EPB41: variants seen among roughly 807,000 people sequenced by gnomAD.
EPB41 encodes erythrocyte membrane protein band 4.1, also known as protein 4.1.
Under a neutral mutation model 108.0 loss-of-function variants are expected in EPB41, and 65 were observed. That is an observed-to-expected ratio of 0.60 (90% CI 0.49 to 0.74). The LOEUF (loss-of-function observed/expected upper bound fraction) is 0.74. EPB41 is among the 30% of genes least tolerant of loss of function. The probability of loss-of-function intolerance (pLI) is 0.00; values close to 1 mark genes in which losing one functional copy is unlikely to be tolerated. For synonymous variants in EPB41, 336 were observed against 358.9 expected, an observed-to-expected ratio of 0.94 and a Z score of 0.72; for missense variants, 875 against 1,037.0, an observed-to-expected ratio of 0.84 and a Z score of 2.15.
chr1:28,927,980 G>A (rs533097562), intron 1 of EPB41, among the ~76,000 whole-genome samples: 37 of 152,182 alleles, frequency 2.4e-4, no homozygotes, highest in Non-Finnish European at 4.3e-4. Context: ...TGACCTCAGA[G>A]GTGCTGCTTT....
At chr1:28,997,118 C>A in intron 3 of EPB41, 97 bp from the exon 4 acceptor site, 1 of 912,386 alleles carries the variant, frequency 1.1e-6, no homozygotes, top group Non-Finnish European at 1.8e-6. Context: ...GGCCACTGTA[C>A]TCCAGCCTGG....
chr1:28,993,823 A>C (rs1313655823), intron 3 of EPB41, among the ~76,000 whole-genome samples: 1 of 151,204 alleles, frequency 6.6e-6, no homozygotes, highest in Non-Finnish European at 1.5e-5. Context: ...TGCCAGGCTA[A>C]TTTTTTGTAT....
chr1:29,074,037 G>A (rs939554082), intron 16 of EPB41, among the ~76,000 whole-genome samples: 2 of 152,102 alleles, frequency 1.3e-5, no homozygotes, highest in Non-Finnish European at 2.9e-5. Flanking sequence ...TAGGACACAT[G>A]AGGCATTAGA....
At chr1:28,926,557 G>A (rs952522924) in intron 1 of EPB41, among the ~76,000 whole-genome samples, 4 of 152,146 alleles carry the variant, frequency 2.6e-5, no homozygotes, top group African/African-American at 9.7e-5. Flanking sequence ...TGGATCTTCT[G>A]TCAAAGCCAA....
chr1:28,977,795 A>G (rs943536626), intron 1 of EPB41, among the ~76,000 whole-genome samples: 3 of 152,106 alleles, frequency 2.0e-5, no homozygotes, highest in African/African-American at 4.8e-5. Flanking sequence ...CTGGAAGAAC[A>G]TGACTGCATG....
chr1:28,985,163 C>A (rs1405776060), intron 1 of EPB41, among the ~76,000 whole-genome samples: 2 of 151,040 alleles, frequency 1.3e-5, no homozygotes, highest in African/African-American at 4.9e-5. Flanking sequence ...GGGGCTTCAC[C>A]ATGCTGACCA....
intron 1 of EPB41, among the ~76,000 whole-genome samples, chr1:28,936,537 C>T (rs955238412): frequency 4.6e-5 from 7 of 152,228 alleles, no homozygotes; most frequent in Admixed American, 2.6e-4. Context: ...AAACCCCTTA[C>T]ATGTTAGCAG....
Position 29,053,193 on chromosome 1 carries a change from G to C in EPB41, c.1726G>C (p.Asp576His), listed in dbSNP as rs748752649. Residue 576 changes from aspartate to histidine, a missense_variant, in exon 12 of 21, where the codon GAT (aspartate) becomes CAT (histidine). Asp to His is a moderately conservative substitution (Grantham distance 81). Around this residue, in one of 3 missense-constraint regions of EPB41, gnomAD observed 519 missense variants for 627.3 expected, o/e 0.83. Coordinates refer to ENST00000343067, the MANE Select transcript of EPB41 (RefSeq NM_001376013.1). ...TCAGGTTGCAGAAGGTGGCGTCCTAGATGCCTCTGCTAAAAAAACAGTGGT... is the reference window on the plus strand; with the variant it reads ...TCAGGTTGCAGAAGGTGGCGTCCTACATGCCTCTGCTAAAAAAACAGTGGT... ...QGQVAEGGVL[D>H]ASAKKTVVPK... is the part of the protein sequence containing the mutation. 1.9e-6 allele frequency: 3 copies of C among 1,614,170 alleles called. No individual in the cohort carries two copies. Among genetic ancestry groups the C allele is most frequent in the Admixed American group, 1.7e-5 (1 of 60,020 alleles).
At chr1:28,993,619 C>T (rs2096075894) in intron 3 of EPB41, 77 bp downstream of exon 3, 5 of 1,342,178 alleles carry the variant, frequency 3.7e-6, no homozygotes, top group Middle Eastern at 2.2e-4. Context: ...GGTGATTTTG[C>T]CCACGATAAG....
chr1:28,938,182 G>A (rs925154287), intron 1 of EPB41, among the ~76,000 whole-genome samples: 4 of 152,104 alleles, frequency 2.6e-5, no homozygotes, highest in Non-Finnish European at 5.9e-5. Context: ...GGCTGTTCTG[G>A]CTATCCCTTG....
intron 16 of EPB41, among the ~76,000 whole-genome samples, chr1:29,088,931 G>A (rs909496690): frequency 6.6e-6 from 1 of 152,166 alleles, no homozygotes; most frequent in African/African-American, 2.4e-5. Context: ...GCATCATAGT[G>A]AGAGCCTATG....
At chr1:29,062,554 T>G (rs1206119738) in intron 15 of EPB41, among the ~76,000 whole-genome samples, 1 of 152,208 alleles carries the variant, frequency 6.6e-6, no homozygotes, top group East Asian at 1.9e-4. Context: ...CATCAAAAAG[T>G]GTCTAACCTG....
chr1:29,119,252 G>C lies in EPB41; in HGVS notation c.*2440G>C, dbSNP rs1671474997. On this transcript the variant is annotated 3_prime_UTR_variant, in exon 21 of 21. Transcript: ENST00000343067. The stretch of plus-strand genomic sequence containing the variant: ...CCTCCATCTCTGGCAACAGTTCTTG[G>C]GGTTTGGCAATTGTTTGGATTTTTT... 1 of 152,618 alleles carries C rather than the reference G, an allele frequency of 6.6e-6. No homozygotes were observed. 9.5% of individuals were successfully genotyped at this position (152,618 alleles called of 1,614,324 possible). A position where few individuals can be genotyped will look rare whatever the true frequency, so the allele number is the denominator to read the frequency against.
At chr1:29,059,619 T>A (rs1224859867) in intron 14 of EPB41, among the ~76,000 whole-genome samples, 5 of 151,186 alleles carry the variant, frequency 3.3e-5, no homozygotes, top group African/African-American at 1.2e-4. Context: ...CTTCAAAAAA[T>A]AAAAATAAAT....
chr1:29,106,563 G>GTTTTTTTT (rs1558324414), intron 17 of EPB41, among the ~76,000 whole-genome samples: 3 of 37,160 alleles, frequency 8.1e-5, no homozygotes, highest in Non-Finnish European at 1.4e-4. Flanking sequence ...GAGTAGCTGG[G>GTTTTTTTT]ATTTTTTTTT....
At chr1:28,966,817 C>G (rs2095366442) in intron 1 of EPB41, among the ~76,000 whole-genome samples, 1 of 152,002 alleles carries the variant, frequency 6.6e-6, no homozygotes, top group African/African-American at 2.4e-5. Flanking sequence ...ACGAGGAGAC[C>G]CAGGTGGCTG....
chr1:28,919,941 C>G (rs1444887428), intron 1 of EPB41, among the ~76,000 whole-genome samples: 3 of 152,182 alleles, frequency 2.0e-5, no homozygotes, highest in Non-Finnish European at 4.4e-5. Context: ...AATTGCTGCT[C>G]TCCCTCTTCC....
In EPB41 at chr1:28,999,355, G is replaced by T. The variant is rs183459518; in HGVS notation, c.786+2036G>T. The stretch of plus-strand genomic sequence containing the variant: ...ACTGCGCTCCAGCCTGGGCAACAGA[G>T]TGAGACTCCATCTCAAAAAAAAGAA... On this transcript the variant is annotated intron_variant, in intron 4 of 20. Transcript: ENST00000343067. Among the ~76,000 whole-genome samples, 14 of 152,058 alleles carry T rather than the reference G, an allele frequency of 9.2e-5. No homozygotes were observed. In the East Asian group the frequency reaches 1.9e-3, roughly 21 times the overall value.
chr1:28,923,189 G>A (rs910665133), intron 1 of EPB41, among the ~76,000 whole-genome samples: 5 of 136,066 alleles, frequency 3.7e-5, no homozygotes, highest in African/African-American at 1.1e-4. Context: ...CTCAGCTCCC[G>A]GATTCAAGCG....
Sources: gnomAD v4.1 joint callset for allele counts (sites outside exome capture counted in the v4.1 genomes callset) on GRCh38, gnomAD v4.1.1 for gene constraint, gnomAD v4.1.1 regional missense constraint, MANE v1.5 for transcripts, NCBI Gene and HGNC (gene_info 2026-07-23, HGNC 2026-07-21) for gene names.